The following TAS2R1 variants were observed in gnomAD, a reference collection of about 807,000 sequenced individuals.
TAS2R1 encodes the protein taste 2 receptor member 1.
For synonymous variants in TAS2R1, 141 were observed against 134.2 expected (o/e 1.05, Z -0.35); for missense variants, 370 against 353.4 (o/e 1.05, Z -0.38).
intron 1 of TAS2R1, among the ~76,000 whole-genome samples, chr5:9,692,978 C>T (rs2126519152): frequency 6.6e-6 from 1 of 152,130 alleles, no homozygotes; most frequent in Admixed American, 6.6e-5. Context: ...TCTCTCTTTT[C>T]CTCCTGCTCC....
At chr5:9,822,050 T>A in the TAS2R1 span, among the ~76,000 whole-genome samples, 1 of 152,218 alleles carries the variant, frequency 6.6e-6, no homozygotes, top group Non-Finnish European at 1.5e-5. Context: ...TTGCTGTCAG[T>A]AACACCTGTA....
rs181679993 is a variant in TAS2R1 at position 9,629,111 on chromosome 5, T to C, written c.*22A>G. On this transcript the variant is annotated 3_prime_UTR_variant, in exon 1 of 1. Coordinates refer to ENST00000382492, the MANE Select transcript of TAS2R1 (RefSeq NM_019599.3). ...GGTAAATCATTGAATCATGGGTTCTTTGAACTGATCCAACTTCTCTCTCAC... is the reference window on the plus strand; with the variant it reads ...GGTAAATCATTGAATCATGGGTTCTCTGAACTGATCCAACTTCTCTCTCAC... The C allele has an allele frequency of 1.1e-3, 1,722 of 1,525,976 alleles. 12 individuals are homozygous for C. The highest frequency in any genetic ancestry group is 4.7e-3 in the East Asian group (207 of 44,264). 94.5% of individuals were successfully genotyped at this position (1,525,976 alleles called of 1,614,324 possible).
chr5:9,631,969 C>T (rs76609794), upstream of TAS2R1, among the ~76,000 whole-genome samples: 242 of 152,262 alleles, frequency 1.6e-3, 3 homozygotes, highest in African/African-American at 5.7e-3. Context: ...CAAATGCAAG[C>T]ATGCCAGGAG....
chr5:9,679,781 CATACATAA>C (rs1212627395), intron 1 of TAS2R1, among the ~76,000 whole-genome samples: 1 of 152,148 alleles, frequency 6.6e-6, no homozygotes, highest in African/African-American at 2.4e-5. Flanking sequence ...TAAATGGTAA[CATACATAA>C]ATATTTATAG....
At chr5:9,883,383 T>C in the TAS2R1 span, 10,442 of 152,006 alleles carry the variant, frequency 0.069, 396 homozygotes, top group East Asian at 0.2. Flanking sequence ...ACATAAAATT[T>C]AAAAAAATAA....
At chr5:9,803,664 A>T in the TAS2R1 span, among the ~76,000 whole-genome samples, 1 of 152,218 alleles carries the variant, frequency 6.6e-6, no homozygotes, top group African/African-American at 2.4e-5. Flanking sequence ...TGAAGGAAAG[A>T]TACAGTCTTT....
chr5:9,861,453 G>A, the TAS2R1 span, among the ~76,000 whole-genome samples: 1 of 152,166 alleles, frequency 6.6e-6, no homozygotes, highest in Non-Finnish European at 1.5e-5. Flanking sequence ...TTACATATTA[G>A]CTGCCCAATA....
chr5:9,806,029 G>A, the TAS2R1 span, among the ~76,000 whole-genome samples: 9 of 152,008 alleles, frequency 5.9e-5, no homozygotes, highest in Admixed American at 5.2e-4. Context: ...TTCTAGAACT[G>A]GAAAATGATT....
the TAS2R1 span, among the ~76,000 whole-genome samples, chr5:9,783,793 T>C: frequency 6.6e-6 from 1 of 152,246 alleles, no homozygotes; most frequent in African/African-American, 2.4e-5. Flanking sequence ...AATCTTATTA[T>C]ACATGCTCAT....
intron 2 of TAS2R1, among the ~76,000 whole-genome samples, chr5:9,640,187 A>G (rs1258981007): frequency 6.6e-6 from 1 of 152,070 alleles, no homozygotes; most frequent in Non-Finnish European, 1.5e-5. Flanking sequence ...GTCAGGGAAT[A>G]GGGAGGCTCA....
At chr5:9,751,396 C>T in the TAS2R1 span, among the ~76,000 whole-genome samples, 9 of 151,394 alleles carry the variant, frequency 5.9e-5, no homozygotes, top group Non-Finnish European at 1.2e-4. Context: ...GATGAAAAGA[C>T]CATATAATAT....
chr5:9,897,619 G>A, the TAS2R1 span, among the ~76,000 whole-genome samples: 1 of 152,144 alleles, frequency 6.6e-6, no homozygotes, highest in Non-Finnish European at 1.5e-5. Flanking sequence ...GACAAAGTAG[G>A]CATGTATTAT....
chr5:9,721,244 C>T, the TAS2R1 span, among the ~76,000 whole-genome samples: 1 of 152,198 alleles, frequency 6.6e-6, no homozygotes, highest in Non-Finnish European at 1.5e-5. Flanking sequence ...TTTTTACATG[C>T]ATTTGATCCC....
At chr5:9,893,603 T>TA in the TAS2R1 span, among the ~76,000 whole-genome samples, 14,514 of 152,094 alleles carry the variant, frequency 0.095, 693 homozygotes, top group African/African-American at 0.1. Context: ...ATACTTGTAA[T>TA]AAAAAAAATT....
At chr5:9,842,616 C>A in the TAS2R1 span, among the ~76,000 whole-genome samples, 225 of 152,230 alleles carry the variant, frequency 1.5e-3, 1 homozygote, top group South Asian at 0.012. Flanking sequence ...AGCCACTGTG[C>A]CCAGCACAGT....
the TAS2R1 span, among the ~76,000 whole-genome samples, chr5:9,874,777 T>C: frequency 6.6e-6 from 1 of 152,162 alleles, no homozygotes; most frequent in Admixed American, 6.5e-5. Context: ...ACTCCATCTC[T>C]TTCAACCCAT....
the TAS2R1 span, among the ~76,000 whole-genome samples, chr5:9,882,964 T>C: frequency 7.2e-5 from 11 of 152,186 alleles, no homozygotes; most frequent in East Asian, 9.6e-4. Flanking sequence ...AGTGAAGACA[T>C]TGGATCATCC....
At chr5:9,696,136 A>G (rs1741350641) in intron 1 of TAS2R1, among the ~76,000 whole-genome samples, 1 of 152,252 alleles carries the variant, frequency 6.6e-6, no homozygotes, top group African/African-American at 2.4e-5. Context: ...CAATATTCAA[A>G]AAAAAATTTT....
the TAS2R1 span, among the ~76,000 whole-genome samples, chr5:9,750,221 C>T: frequency 6.6e-6 from 1 of 152,174 alleles, no homozygotes; most frequent in South Asian, 2.1e-4. Context: ...ATACTGTCTG[C>T]CTCCCTATCT....
Sources: gnomAD v4.1 joint callset for allele counts (sites outside exome capture counted in the v4.1 genomes callset) on GRCh38, gnomAD v4.1.1 for gene constraint, MANE v1.5 for transcripts, NCBI Gene and HGNC (gene_info 2026-07-23, HGNC 2026-07-21) for gene names.